Variants in RBP2 observed in about 807,000 individuals in gnomAD.
The protein encoded by RBP2 is retinol-binding protein 2.
In RBP2, 17 loss-of-function variants were observed where a neutral mutation model predicts 17.0. The observed-to-expected ratio is 1.00, with a 90% CI of 0.68 to 1.50. The LOEUF (loss-of-function observed/expected upper bound fraction) is 1.50. Among genes scored for constraint, RBP2 ranks in the 40% most tolerant of loss-of-function variants. The pLI is 0.00. For missense variants in RBP2, 158 were observed against 168.2 expected (o/e 0.94, Z 0.33); for synonymous variants, 48 against 57.1 (o/e 0.84, Z 0.72).
chr3:139,473,995 A>G (rs532071922), intron 1 of RBP2, among the ~76,000 whole-genome samples: 1 of 152,332 alleles, frequency 6.6e-6, no homozygotes, highest in Non-Finnish European at 1.5e-5. Context: ...ATTAATCTTA[A>G]TCAGTTGAGT....
chr3:139,460,485 A>G (rs1933149133), intron 2 of RBP2, among the ~76,000 whole-genome samples: 1 of 152,220 alleles, frequency 6.6e-6, no homozygotes. Context: ...TTGACTGAGA[A>G]ATAAAGTGTG....
chr3:139,461,413 A>C (rs1933183007), intron 2 of RBP2, among the ~76,000 whole-genome samples: 1 of 152,178 alleles, frequency 6.6e-6, no homozygotes, highest in African/African-American at 2.4e-5. Context: ...GCCTTCTGAT[A>C]CATGGAGAGT....
intron 1 of RBP2, among the ~76,000 whole-genome samples, chr3:139,473,184 G>A (rs1933620932): frequency 6.6e-6 from 1 of 152,216 alleles, no homozygotes; most frequent in South Asian, 2.1e-4. Context: ...GAAACACCAG[G>A]TGCCTAAGAA....
chr3:139,476,372 C>G lies in RBP2; in HGVS notation c.73+15G>C, dbSNP rs748017838. The G allele has an allele frequency of 6.2e-7, 1 of 1,611,824 alleles. No individual in the cohort carries two copies. Among genetic ancestry groups the G allele is most frequent in the East Asian group, 2.2e-5 (1 of 44,838 alleles). On this transcript the variant is annotated intron_variant, in intron 1 of 3. Transcript: ENST00000232217. ...CAACAACAGCTACCCTCCCCATCCC[C>G]AGTCTCCTCCTTACCCAGGGCCTTC...
At chr3:139,475,069 C>T (rs1933689972) in intron 1 of RBP2, among the ~76,000 whole-genome samples, 1 of 151,986 alleles carries the variant, frequency 6.6e-6, no homozygotes, top group Non-Finnish European at 1.5e-5. Flanking sequence ...CGTCTGTAAT[C>T]CCAGCACTTT....
chr3:139,472,688 G>A (rs976220764), intron 1 of RBP2, among the ~76,000 whole-genome samples: 2 of 152,192 alleles, frequency 1.3e-5, no homozygotes, highest in South Asian at 4.1e-4. Flanking sequence ...CCAAATGAAA[G>A]ACTTTGAGCA....
intron 1 of RBP2, among the ~76,000 whole-genome samples, chr3:139,473,742 G>A (rs1933638653): frequency 6.6e-6 from 1 of 152,204 alleles, no homozygotes; most frequent in African/African-American, 2.4e-5. Context: ...TGAGCCCCCT[G>A]AGACCTGTCT....
chr3:139,465,047 C>G (rs773811660), intron 1 of RBP2, among the ~76,000 whole-genome samples: 4 of 152,164 alleles, frequency 2.6e-5, no homozygotes, highest in Non-Finnish European at 5.9e-5. Flanking sequence ...CTAGAGAGGT[C>G]AGTCTACTTG....
intron 1 of RBP2, among the ~76,000 whole-genome samples, chr3:139,467,851 C>G (rs920046759): frequency 2.0e-5 from 3 of 152,130 alleles, no homozygotes; most frequent in African/African-American, 7.2e-5. Context: ...GATACACTCT[C>G]TTACTGTCAT....
chr3:139,468,335 C>A (rs1479159426), intron 1 of RBP2, among the ~76,000 whole-genome samples: 2 of 152,152 alleles, frequency 1.3e-5, no homozygotes. Flanking sequence ...TATTGCTTGT[C>A]CCTGGTTGCA....
chr3:139,454,442 T>C (rs914468098), intron 3 of RBP2, among the ~76,000 whole-genome samples: 13 of 152,172 alleles, frequency 8.5e-5, no homozygotes, highest in Non-Finnish European at 1.6e-4. Context: ...TCTCCCCAGC[T>C]GGTCTTTAGC....
At chr3:139,471,710 C>A (rs141857299) in intron 1 of RBP2, among the ~76,000 whole-genome samples, 1 of 152,318 alleles carries the variant, frequency 6.6e-6, no homozygotes, top group East Asian at 1.9e-4. Flanking sequence ...TCTAGGCTGA[C>A]TCCTCCCTGA....
At chr3:139,474,991 G>T (rs1156822240) in intron 1 of RBP2, among the ~76,000 whole-genome samples, 1 of 152,088 alleles carries the variant, frequency 6.6e-6, no homozygotes, top group African/African-American at 2.4e-5. Flanking sequence ...TAACCAGAAT[G>T]AAAAGGAAAG....
At position 139,459,392 on chromosome 3, in the gene RBP2, C is replaced by CTATA. The variant is rs374208404; in HGVS notation, c.252+2716_252+2719dup. ...CCAACATGGTGAAACCCTGTTTCTACTATATATATGTGTGTGTGTGTGTGT... is the reference window on the plus strand; with the variant it reads ...CCAACATGGTGAAACCCTGTTTCTACTATATATATATATGTGTGTGTGTGTGTGT... On this transcript the variant is annotated intron_variant, in intron 2 of 3. Coordinates refer to ENST00000232217, the MANE Select transcript of RBP2 (RefSeq NM_004164.3). Among the ~76,000 whole-genome samples the CTATA allele has an allele frequency of 4.5e-4, 53 of 116,900 alleles. 1 individual carries two copies. The highest frequency in any genetic ancestry group is 2.1e-3 in the East Asian group (9 of 4,316). The allele number at this position is 116,900 out of a possible 152,430, so 76.7% of individuals were successfully genotyped here. A position where few individuals can be genotyped will look rare whatever the true frequency, so the allele number is the denominator to read the frequency against.
At chr3:139,454,653 C>G in intron 3 of RBP2, 76 bp downstream of exon 3, 7 of 1,452,648 alleles carry the variant, frequency 4.8e-6, no homozygotes, top group South Asian at 1.2e-5. Context: ...TTTTTCTTGT[C>G]AAAACACCTG....
chr3:139,459,833 A>AGT (rs56943288), intron 2 of RBP2, among the ~76,000 whole-genome samples: 17,479 of 133,998 alleles, frequency 0.13, 1,982 homozygotes, highest in African/African-American at 0.32. Context: ...GGTGTGTGTG[A>AGT]GTGTGTGTGT....
At chr3:139,461,103 T>A (rs1933171903) in intron 2 of RBP2, among the ~76,000 whole-genome samples, 1 of 152,102 alleles carries the variant, frequency 6.6e-6, no homozygotes, top group African/African-American at 2.4e-5. Flanking sequence ...GTAATTTGAT[T>A]TGGAAAATCA....
At chr3:139,463,223 G>C (rs1055625123) in intron 1 of RBP2, among the ~76,000 whole-genome samples, 3 of 151,942 alleles carry the variant, frequency 2.0e-5, no homozygotes, top group Non-Finnish European at 2.9e-5. Context: ...GTCTCGCTCT[G>C]TTGCCCAGAC....
chr3:139,460,613 T>G (rs1933153607), intron 2 of RBP2, among the ~76,000 whole-genome samples: 1 of 152,186 alleles, frequency 6.6e-6, no homozygotes, highest in Non-Finnish European at 1.5e-5. Flanking sequence ...GACCTCTGAC[T>G]TCTAATGAAC....
Sources: allele counts gnomAD v4.1 joint callset (sites outside exome capture counted in the v4.1 genomes callset), GRCh38; gene constraint gnomAD v4.1.1; transcripts MANE v1.5; gene names NCBI Gene and HGNC (gene_info 2026-07-23, HGNC 2026-07-21).